Variants in ADGRA3 observed in about 807,000 individuals in gnomAD.
ADGRA3 encodes the protein adhesion G protein-coupled receptor A3, also known as G-protein coupled receptor 125.
Under a neutral mutation model 119.8 loss-of-function variants are expected in ADGRA3, and 56 were observed. The ratio of observed to expected loss-of-function variants is 0.47; its 90% confidence interval spans 0.38 to 0.58. The LOEUF (loss-of-function observed/expected upper bound fraction) is 0.58, where lower values mean the gene tolerates loss of function less well. ADGRA3 is among the 20% of genes least tolerant of loss of function. The pLI, the probability that ADGRA3 is intolerant of heterozygous loss-of-function variation, is 0.00. For synonymous variants in ADGRA3, 607 were observed against 623.8 expected, an observed-to-expected ratio of 0.97 and a Z score of 0.40; for missense variants, 1,516 against 1,649.0, an observed-to-expected ratio of 0.92 and a Z score of 1.40.
intron 10 of ADGRA3, among the ~76,000 whole-genome samples, chr4:22,428,534 C>A (rs760660007): frequency 2.6e-5 from 4 of 152,160 alleles, no homozygotes; most frequent in African/African-American, 9.7e-5. Flanking sequence ...TTAACAGACA[C>A]ATGCATAGGT....
chr4:22,402,609 T>G, intron 15 of ADGRA3, 66 bp downstream of exon 15: 1 of 1,533,204 alleles, frequency 6.5e-7, no homozygotes, highest in Non-Finnish European at 8.9e-7. Context: ...TTATCCTAAT[T>G]AAATGTGAAA....
intron 10 of ADGRA3, among the ~76,000 whole-genome samples, chr4:22,432,663 A>G (rs1716234695): frequency 6.6e-6 from 1 of 152,174 alleles, no homozygotes; most frequent in South Asian, 2.1e-4. Context: ...CATAAGAAAA[A>G]TCACTTTAGT....
intron 12 of ADGRA3, among the ~76,000 whole-genome samples, chr4:22,414,946 T>A (rs1434429037): frequency 6.6e-6 from 1 of 152,166 alleles, no homozygotes; most frequent in African/African-American, 2.4e-5. Context: ...GAAGACTTTA[T>A]ACAGAGTCCT....
chr4:22,473,753 A>T lies in ADGRA3; in HGVS notation c.329+19T>A, dbSNP rs201760118. 9 of 1,434,860 alleles carry T rather than the reference A, an allele frequency of 6.3e-6. No homozygotes were observed. Among genetic ancestry groups the T allele is most frequent in the Middle Eastern group, 1.8e-4 (1 of 5,506 alleles). 88.9% of individuals were successfully genotyped at this position (1,434,860 alleles called of 1,614,324 possible). On this transcript the variant is annotated intron_variant, in intron 2 of 18. Coordinates refer to ENST00000334304, the MANE Select transcript of ADGRA3 (RefSeq NM_145290.4). ...CATTAAACAAAATAATAATGAGATG[A>T]TAATTAAAGAATACTCACAATCTTT...
At position 22,397,621 on chromosome 4, in the gene ADGRA3, ATC is replaced by A. The variant is rs1309844515; in HGVS notation, c.2481+3808_2481+3809del. 3.3e-5 allele frequency among the ~76,000 whole-genome samples: 5 copies of A among 152,194 alleles called. No homozygotes were observed. In the East Asian group the frequency reaches 5.8e-4, roughly 18 times the overall value. On this transcript the variant is annotated intron_variant, in intron 16 of 18. Transcript: ENST00000334304. The stretch of plus-strand genomic sequence containing the variant: ...TTGAATTGTAGCTCCCATAATTCCT[ATC>A]TGTCATGGGAGGGACCCAGTGGGAG...
chr4:22,413,321 T>C lies in ADGRA3; in HGVS notation c.2093A>G (p.Asp698Gly), dbSNP rs760709986. The C allele has an allele frequency of 6.2e-7, 1 of 1,614,128 alleles. No individual in the cohort carries two copies. Among genetic ancestry groups the C allele is most frequent in the Admixed American group, 1.7e-5 (1 of 60,010 alleles). ...GAAATCCCACCGGGCTGCAACAGCA[T>C]CTGCTCCATGTGCAATTCGACGCAG... Reference protein sequence around the residue: ...VTLRRIAHGADAVAARWDFDL... With the variant: ...VTLRRIAHGAGAVAARWDFDL... Residue 698 changes from aspartate (D) to glycine (G), a missense_variant, in exon 14 of 19, where the codon GAT (aspartate) becomes GGT (glycine). Asp to Gly is a moderately conservative substitution (Grantham distance 94). Coordinates refer to ENST00000334304, the MANE Select transcript of ADGRA3 (RefSeq NM_145290.4).
At chr4:22,404,361 A>C (rs1174169348) in intron 14 of ADGRA3, among the ~76,000 whole-genome samples, 3 of 152,198 alleles carry the variant, frequency 2.0e-5, no homozygotes, top group Non-Finnish European at 4.4e-5. Flanking sequence ...ATAAGTTCAC[A>C]ATCTACAATT....
chr4:22,388,537 T>C lies in ADGRA3; in HGVS notation c.3134A>G (p.His1045Arg), dbSNP rs202156282. The C allele has an allele frequency of 1.2e-6, 2 of 1,614,014 alleles. No individual in the cohort carries two copies. Residue 1045 changes from histidine (H) to arginine (R), a missense_variant, in exon 19 of 19, where the codon CAC (histidine) becomes CGC (arginine). His to Arg is a conservative substitution (Grantham distance 29). Around this residue, in one of 2 missense-constraint regions of ADGRA3, gnomAD observed 1,088 missense variants for 1,107.1 expected, o/e 0.98. Transcript: ENST00000334304. ...AACATCCTCCCTATTAACACAATGGTGGACCACGAAGAACGCACTGAAGCT... is the reference window on the plus strand; with the variant it reads ...AACATCCTCCCTATTAACACAATGGCGGACCACGAAGAACGCACTGAAGCT... ...SLSFSAFFVV[H>R]HCVNREDVRL...
chr4:22,482,384 A>G (rs912435376), intron 1 of ADGRA3, among the ~76,000 whole-genome samples: 27 of 152,224 alleles, frequency 1.8e-4, no homozygotes, highest in African/African-American at 6.5e-4. Context: ...AGCTGGGTTC[A>G]GTGGCTTATA....
intron 17 of ADGRA3, among the ~76,000 whole-genome samples, chr4:22,390,399 TATAA>T (rs568360989): frequency 0.34 from 3,062 of 9,056 alleles, 63 homozygotes; most frequent in African/African-American, 0.42. Flanking sequence ...TATATATATA[TATAA>T]AATACGTATT....
chr4:22,392,245 C>T (rs1018792677), intron 17 of ADGRA3, among the ~76,000 whole-genome samples: 1 of 152,152 alleles, frequency 6.6e-6, no homozygotes, highest in South Asian at 2.1e-4. Context: ...TTCATAGAGC[C>T]GATTATATGG....
At chr4:22,489,813 G>A (rs185941303) in intron 1 of ADGRA3, among the ~76,000 whole-genome samples, 1 of 152,234 alleles carries the variant, frequency 6.6e-6, no homozygotes, top group East Asian at 1.9e-4. Context: ...TTCAATCTCT[G>A]CAAGGTTAAC....
rs113329662 is a variant in ADGRA3 at position 22,391,114 on chromosome 4, G to A, written c.2627+1431C>T. On this transcript the variant is annotated intron_variant, in intron 17 of 18. Coordinates refer to ENST00000334304, the MANE Select transcript of ADGRA3 (RefSeq NM_145290.4). ...TAAACATTAATAAGGTCCAAGTATC[G>A]TTCTTTTCTTAACTAACTTCTCCCT... 5.3e-5 allele frequency among the ~76,000 whole-genome samples: 8 copies of A among 152,122 alleles called. No individual in the cohort carries two copies. In the South Asian group the frequency reaches 8.3e-4, roughly 16 times the overall value.
rs187772553 is a variant in ADGRA3, at chr4:22,503,872, T to G, written c.257+11656A>C. On this transcript the variant is annotated intron_variant, in intron 1 of 18. Transcript: ENST00000334304. The stretch of plus-strand genomic sequence containing the variant: ...ACTTAAGGGAACCTCTATGTCTCCC[T>G]AGTCTTGGTAGGGGCACATTTATTC... Among the ~76,000 whole-genome samples the G allele has an allele frequency of 6.8e-3, 1,032 of 152,314 alleles. 4 individuals are homozygous for G. Among genetic ancestry groups the G allele is most frequent in the South Asian group, 0.025 (120 of 4,826 alleles).
intron 4 of ADGRA3, among the ~76,000 whole-genome samples, chr4:22,449,871 TC>T (rs1437459283): frequency 6.6e-6 from 1 of 150,930 alleles, no homozygotes; most frequent in African/African-American, 2.4e-5. Flanking sequence ...ATGAATTGCA[TC>T]TTACAGCAAC....
chr4:22,400,461 T>C (rs1714567247), intron 16 of ADGRA3, among the ~76,000 whole-genome samples: 1 of 152,180 alleles, frequency 6.6e-6, no homozygotes, highest in Non-Finnish European at 1.5e-5. Flanking sequence ...TACTGCATGA[T>C]TCCACTTATA....
Position 22,515,805 on chromosome 4 carries a change from G to A in ADGRA3, c.-21C>T, listed in dbSNP as rs1013107454. On this transcript the variant is annotated 5_prime_UTR_variant, in exon 1 of 19. Coordinates refer to ENST00000334304, the MANE Select transcript of ADGRA3 (RefSeq NM_145290.4). The stretch of plus-strand genomic sequence containing the variant: ...TCCATGCTGCGGGCCGGGGCCTGCG[G>A]GGCGAGCGGCGGCGCACTGGCCTAG... 22 of 994,856 alleles carry A rather than the reference G, an allele frequency of 2.2e-5. No homozygotes were observed. The highest frequency in any genetic ancestry group is 2.6e-5 in the Non-Finnish European group (22 of 839,494). The allele number at this position is 994,856 out of a possible 1,614,324, so 61.6% of individuals were successfully genotyped here.
chr4:22,515,958 G>T lies in ADGRA3; in HGVS notation c.-174C>A. ...CTCCTTTGTCCGCTGCGGCTGCGCT[G>T]GGCCTCTAGGGAGCCGGGGGTCACG... On this transcript the variant is annotated 5_prime_UTR_variant, in exon 1 of 19. Transcript: ENST00000334304. 1 of 231,056 alleles carries T rather than the reference G, an allele frequency of 4.3e-6. No homozygotes were observed. Among genetic ancestry groups the T allele is most frequent in the South Asian group, 1.4e-4 (1 of 7,222 alleles). The allele number at this position is 231,056 out of a possible 1,614,324, so 14.3% of individuals were successfully genotyped here.
At chr4:22,460,365 T>G (rs1331801767) in intron 3 of ADGRA3, among the ~76,000 whole-genome samples, 1 of 152,186 alleles carries the variant, frequency 6.6e-6, no homozygotes, top group Non-Finnish European at 1.5e-5. Flanking sequence ...TGCTCTACCC[T>G]ATCTGACTAA....
Sources: gnomAD v4.1 joint callset for allele counts (sites outside exome capture counted in the v4.1 genomes callset) on GRCh38, gnomAD v4.1.1 for gene constraint, gnomAD v4.1.1 regional missense constraint, MANE v1.5 for transcripts, NCBI Gene and HGNC (gene_info 2026-07-23, HGNC 2026-07-21) for gene names.